Variants in LRBA observed in about 807,000 individuals in gnomAD.
LRBA encodes LPS responsive beige-like anchor protein.
LRBA carries 176 observed loss-of-function variants against 330.0 expected under a neutral mutation model. The ratio of observed to expected loss-of-function variants is 0.53; its 90% confidence interval spans 0.47 to 0.60. LRBA has a LOEUF of 0.60. LRBA is among the 20% of genes least tolerant of loss of function. The pLI is 0.00. For synonymous variants in LRBA, 1,230 were observed against 1,193.0 expected, an observed-to-expected ratio of 1.03 and a Z score of -0.64; for missense variants, 3,259 against 3,444.8, an observed-to-expected ratio of 0.95 and a Z score of 1.35.
intron 44 of LRBA, among the ~76,000 whole-genome samples, chr4:150,443,853 A>AATATATATATAT (rs1554027880): frequency 4.0e-5 from 3 of 75,470 alleles, no homozygotes; most frequent in Non-Finnish European, 8.9e-5. Flanking sequence ...TAATTAAAAA[A>AATATATATATAT]ATATATATAT....
rs1396940530 is a variant in LRBA, at chr4:150,906,083, A to G, written c.1603-93T>C. ...TACCAGGAAAAAAACTGGCCCACAA[A>G]TTATGCTCAAAGTTAAAGATGCCAT... is the stretch of plus-strand genomic sequence containing the variant. On this transcript the variant is annotated intron_variant, in intron 12 of 56. Coordinates refer to ENST00000651943, the MANE Select transcript of LRBA (RefSeq NM_001364905.1). 3 of 1,092,806 alleles carry G rather than the reference A, an allele frequency of 2.7e-6. No homozygotes were observed. In the East Asian group the frequency reaches 7.2e-5, roughly 26 times the overall value. The allele number at this position is 1,092,806 out of a possible 1,614,324, so 67.7% of individuals were successfully genotyped here. A position where few individuals can be genotyped will look rare whatever the true frequency, so the allele number is the denominator to read the frequency against.
intron 44 of LRBA, among the ~76,000 whole-genome samples, chr4:150,453,142 T>G (rs1753599247): frequency 6.6e-6 from 1 of 152,102 alleles, no homozygotes; most frequent in South Asian, 2.1e-4. Flanking sequence ...ACAGATTGAA[T>G]GCAATCCTAA....
chr4:150,482,721 G>A (rs778851573), intron 42 of LRBA, among the ~76,000 whole-genome samples: 7 of 152,002 alleles, frequency 4.6e-5, no homozygotes, highest in Non-Finnish European at 8.8e-5. Context: ...AAAGTTATTC[G>A]AATAGGTATG....
intron 40 of LRBA, among the ~76,000 whole-genome samples, chr4:150,539,185 A>G (rs1167219844): frequency 6.6e-6 from 1 of 152,142 alleles, no homozygotes; most frequent in Non-Finnish European, 1.5e-5. Context: ...CATGTTGTTC[A>G]GGATGGTCTC....
chr4:150,443,429 C>G (rs1752094503), intron 44 of LRBA, among the ~76,000 whole-genome samples: 1 of 152,098 alleles, frequency 6.6e-6, no homozygotes, highest in South Asian at 2.1e-4. Context: ...CTCACAACAG[C>G]AAAGACTTGG....
At chr4:150,785,299 C>CA (rs1472646170) in intron 34 of LRBA, among the ~76,000 whole-genome samples, 2 of 152,134 alleles carry the variant, frequency 1.3e-5, no homozygotes, top group Non-Finnish European at 2.9e-5. Context: ...CCCGAAAAGA[C>CA]ATCTTAAAGG....
intron 55 of LRBA, 65 bp downstream of exon 55, chr4:150,282,385 C>T (rs1747648210): frequency 7.0e-7 from 1 of 1,433,442 alleles, no homozygotes; most frequent in African/African-American, 1.4e-5. Context: ...CGAACCCTCT[C>T]CCTCCCCACT....
chr4:150,492,526 G>T (rs879803115), intron 40 of LRBA, among the ~76,000 whole-genome samples: 1 of 152,050 alleles, frequency 6.6e-6, no homozygotes, highest in Admixed American at 6.6e-5. Flanking sequence ...CCACCAGTTG[G>T]TCTATGGCCC....
chr4:150,274,672 C>T (rs748830662), intron 56 of LRBA, among the ~76,000 whole-genome samples: 20 of 152,140 alleles, frequency 1.3e-4, no homozygotes, highest in African/African-American at 3.4e-4. Flanking sequence ...AACACCTCTA[C>T]GCAAATAAAC....
chr4:150,392,657 GA>G (rs1335640335), intron 47 of LRBA, among the ~76,000 whole-genome samples: 1 of 152,030 alleles, frequency 6.6e-6, no homozygotes, highest in African/African-American at 2.4e-5. Flanking sequence ...GAATGCTTGT[GA>G]TTTTTGCACA....
At chr4:150,537,659 G>C (rs1434964204) in intron 40 of LRBA, among the ~76,000 whole-genome samples, 1 of 151,994 alleles carries the variant, frequency 6.6e-6, no homozygotes, top group Non-Finnish European at 1.5e-5. Context: ...CCATTAAAAA[G>C]TGAACAAAGG....
chr4:150,890,623 G>A (rs1212612249), intron 17 of LRBA, among the ~76,000 whole-genome samples: 1 of 152,142 alleles, frequency 6.6e-6, no homozygotes, highest in Non-Finnish European at 1.5e-5. Context: ...ACATGCCAGT[G>A]ATAAAAAGGT....
At chr4:150,698,468 G>GA (rs1473263217) in intron 36 of LRBA, among the ~76,000 whole-genome samples, 5 of 152,232 alleles carry the variant, frequency 3.3e-5, no homozygotes, top group Non-Finnish European at 7.4e-5. Context: ...AGAAGATAAT[G>GA]AAAAAACACT....
At chr4:150,891,682 A>G (rs1476559435) in intron 17 of LRBA, among the ~76,000 whole-genome samples, 1 of 152,308 alleles carries the variant, frequency 6.6e-6, no homozygotes, top group South Asian at 2.1e-4. Context: ...TGTGTAAAAC[A>G]GTTGCTTAAA....
chr4:150,851,622 C>G (rs941606279), intron 23 of LRBA, among the ~76,000 whole-genome samples: 1 of 152,084 alleles, frequency 6.6e-6, no homozygotes, highest in Non-Finnish European at 1.5e-5. Flanking sequence ...GTTTTATAAA[C>G]TAAAATTATA....
chr4:150,950,621 A>T (rs540704486), intron 2 of LRBA, among the ~76,000 whole-genome samples: 1 of 152,172 alleles, frequency 6.6e-6, no homozygotes, highest in Non-Finnish European at 1.5e-5. Context: ...TTTCATACCA[A>T]TATCCTTATG....
intron 46 of LRBA, chr4:150,423,316 TG>T: frequency 1.3e-6 from 1 of 752,056 alleles, no homozygotes; most frequent in Non-Finnish European, 2.3e-6. Flanking sequence ...ATCCTCTCCC[TG>T]GGGGACGAGC....
At chr4:150,891,849 C>G (rs780419564) in intron 17 of LRBA, among the ~76,000 whole-genome samples, 1 of 152,152 alleles carries the variant, frequency 6.6e-6, no homozygotes, top group Non-Finnish European at 1.5e-5. Context: ...AATAAAGAAT[C>G]TGTTATAGAA....
At chr4:150,756,902 T>C (rs1202361699) in intron 35 of LRBA, among the ~76,000 whole-genome samples, 4 of 152,184 alleles carry the variant, frequency 2.6e-5, no homozygotes, top group Non-Finnish European at 4.4e-5. Context: ...CTTTTAGATC[T>C]TTCACTTGCA....
Sources: gnomAD v4.1 joint callset for allele counts (sites outside exome capture counted in the v4.1 genomes callset) on GRCh38, gnomAD v4.1.1 for gene constraint, MANE v1.5 for transcripts, NCBI Gene and HGNC (gene_info 2026-07-23, HGNC 2026-07-21) for gene names.